CYRIA: variants seen among roughly 807,000 people sequenced by gnomAD.
The protein encoded by CYRIA is CYFIP-related Rac1 interactor A.
A neutral mutation model predicts 43.9 loss-of-function variants in CYRIA; 15 were observed. The ratio of observed to expected loss-of-function variants is 0.34; its 90% CI spans 0.23 to 0.53. The LOEUF (loss-of-function observed/expected upper bound fraction) is 0.53. CYRIA is among the 20% of genes least tolerant of loss of function. CYRIA has a pLI of 0.94. For missense variants in CYRIA, 236 were observed against 394.2 expected, an observed-to-expected ratio of 0.60 and a Z score of 3.40; for synonymous variants, 117 against 136.0, an observed-to-expected ratio of 0.86 and a Z score of 0.97.
chr2:16,554,817 G>A (rs1666448331), intron 11 of CYRIA, among the ~76,000 whole-genome samples: 1 of 152,130 alleles, frequency 6.6e-6, no homozygotes, highest in Non-Finnish European at 1.5e-5. Flanking sequence ...CCACACCTGG[G>A]TTCAGGTCCT....
chr2:16,623,674 C>T (rs1669069847), intron 2 of CYRIA, among the ~76,000 whole-genome samples, 190 bp downstream of exon 2: 1 of 152,176 alleles, frequency 6.6e-6, no homozygotes, highest in African/African-American at 2.4e-5. Flanking sequence ...TCTTTCATTC[C>T]TTAACCCTCA....
chr2:16,603,011 C>T (rs1668261812), intron 2 of CYRIA, among the ~76,000 whole-genome samples: 1 of 151,976 alleles, frequency 6.6e-6, no homozygotes, highest in Non-Finnish European at 1.5e-5. Context: ...CCAGTCTTGT[C>T]TCCCTTCTAC....
intron 3 of CYRIA, among the ~76,000 whole-genome samples, chr2:16,576,265 G>T (rs1667344775): frequency 1.3e-5 from 2 of 152,162 alleles, no homozygotes; most frequent in Admixed American, 1.3e-4. Context: ...AGTGACAGGT[G>T]ATGCGGAGGA....
intron 11 of CYRIA, among the ~76,000 whole-genome samples, chr2:16,554,797 G>C (rs1318186764): frequency 6.6e-6 from 1 of 152,158 alleles, no homozygotes; most frequent in African/African-American, 2.4e-5. Flanking sequence ...TCCATGACCC[G>C]TGGGGTCACC....
At chr2:16,644,017 C>T (rs531212393) in intron 1 of CYRIA, among the ~76,000 whole-genome samples, 3 of 152,216 alleles carry the variant, frequency 2.0e-5, no homozygotes, top group Non-Finnish European at 4.4e-5. Flanking sequence ...CTCCTCAACT[C>T]TCTGTGCCAA....
chr2:16,601,607 G>T (rs767223719), intron 2 of CYRIA, among the ~76,000 whole-genome samples: 8 of 151,674 alleles, frequency 5.3e-5, no homozygotes, highest in East Asian at 1.9e-4. Flanking sequence ...CCGCTTTCTT[G>T]GCTCTCAGTT....
intron 3 of CYRIA, among the ~76,000 whole-genome samples, chr2:16,567,981 G>C (rs1260817723): frequency 1.3e-5 from 2 of 152,046 alleles, no homozygotes; most frequent in Non-Finnish European, 2.9e-5. Flanking sequence ...AAGCAAGGCT[G>C]GGGAAACAAA....
rs1295835776 is a variant in CYRIA, at chr2:16,562,110, CAG to C, written c.328_329del (p.Leu110AspfsTer33). 6.2e-7 allele frequency: 1 copy of C among 1,612,452 alleles called. No individual in the cohort carries two copies. Among genetic ancestry groups the C allele is most frequent in the Admixed American group, 1.7e-5 (1 of 59,866 alleles). On this transcript the variant is annotated frameshift_variant, in exon 6 of 12. Coordinates refer to ENST00000381323, the MANE Select transcript of CYRIA (RefSeq NM_030797.4). LOFTEE classifies it high-confidence loss of function. ...GGGTTGGTGTGTAGGGTGGACAAGT[CAG>C]AGATTCCAATAAACTCTGAAGAGCT... ...EKALQSLLESLTCPPYTPTQH... is the reference protein window; with the variant it reads ...EKALQSLLESXTCPPYTPTQH...
chr2:16,664,728 A>G (rs1027718008), intron 1 of CYRIA, among the ~76,000 whole-genome samples: 1 of 152,126 alleles, frequency 6.6e-6, no homozygotes, highest in African/African-American at 2.4e-5. Context: ...TCCAGAGGAG[A>G]TAGTGACTGG....
chr2:16,553,334 G>A (rs958174565), intron 11 of CYRIA, among the ~76,000 whole-genome samples: 4 of 152,102 alleles, frequency 2.6e-5, no homozygotes, highest in African/African-American at 4.8e-5. Context: ...ACAAATTTCA[G>A]AATAGAGATT....
At chr2:16,620,374 G>C (rs1668953932) in intron 2 of CYRIA, among the ~76,000 whole-genome samples, 1 of 152,184 alleles carries the variant, frequency 6.6e-6, no homozygotes, top group Non-Finnish European at 1.5e-5. Flanking sequence ...TGTGTACTAA[G>C]ACTGGGCATG....
At chr2:16,627,305 G>A (rs961986920) in intron 1 of CYRIA, among the ~76,000 whole-genome samples, 1 of 152,262 alleles carries the variant, frequency 6.6e-6, no homozygotes, top group Non-Finnish European at 1.5e-5. Flanking sequence ...CCAGGGTGGG[G>A]CATGCTTGTG....
chr2:16,656,764 A>G (rs1670124390), intron 1 of CYRIA, among the ~76,000 whole-genome samples: 1 of 152,270 alleles, frequency 6.6e-6, no homozygotes, highest in African/African-American at 2.4e-5. Context: ...AATGCAGAGC[A>G]ATTGCTGGAA....
intron 2 of CYRIA, among the ~76,000 whole-genome samples, chr2:16,600,682 A>G (rs1668174744): frequency 6.6e-6 from 1 of 152,258 alleles, no homozygotes; most frequent in African/African-American, 2.4e-5. Context: ...GAGTAATTAT[A>G]GTTATTACTA....
At chr2:16,598,284 G>A (rs1432890711) in intron 2 of CYRIA, among the ~76,000 whole-genome samples, 4 of 80,820 alleles carry the variant, frequency 4.9e-5, no homozygotes, top group African/African-American at 7.1e-5. Context: ...GGCCTGCCTT[G>A]CTAGATTGGG....
chr2:16,561,316 A>C (rs932192864), intron 7 of CYRIA, 39 bp from the exon 8 acceptor site: 2 of 1,538,738 alleles, frequency 1.3e-6, no homozygotes, highest in Non-Finnish European at 1.8e-6. Flanking sequence ...TTATAAAGAG[A>C]AAGTCCAAAT....
intron 3 of CYRIA, among the ~76,000 whole-genome samples, chr2:16,576,472 G>A (rs954845636): frequency 2.6e-5 from 4 of 152,158 alleles, no homozygotes; most frequent in Admixed American, 2.0e-4. Flanking sequence ...ATATGGCATC[G>A]TCGAAGCTAT....
chr2:16,601,031 A>C (rs1228329982), intron 2 of CYRIA, among the ~76,000 whole-genome samples: 1 of 152,160 alleles, frequency 6.6e-6, no homozygotes, highest in Non-Finnish European at 1.5e-5. Context: ...TGGTCAGCTG[A>C]AGGTATGTGT....
intron 11 of CYRIA, among the ~76,000 whole-genome samples, chr2:16,553,318 TA>T (rs1161576218): frequency 6.6e-6 from 1 of 152,160 alleles, no homozygotes; most frequent in Non-Finnish European, 1.5e-5. Context: ...CTGCCCCTGC[TA>T]ACTCACAAAT....
Sources: allele counts gnomAD v4.1 joint callset (sites outside exome capture counted in the v4.1 genomes callset), GRCh38; gene constraint gnomAD v4.1.1; transcripts MANE v1.5; gene names NCBI Gene and HGNC (gene_info 2026-07-23, HGNC 2026-07-21).